Variants in THSD4 observed in about 807,000 individuals in gnomAD.
The protein encoded by THSD4 is thrombospondin type-1 domain-containing protein 4.
In THSD4, 69 loss-of-function variants were observed where a neutral mutation model predicts 119.0. That is an observed-to-expected ratio of 0.58 (90% CI 0.48 to 0.71). The LOEUF is 0.71. Ranked by LOEUF, THSD4 falls within the 30% of genes least tolerant of loss-of-function variation. The pLI, the probability that THSD4 is intolerant of heterozygous loss-of-function variation, is 0.00. For missense variants in THSD4, 1,393 were observed against 1,391.1 expected (o/e 1.00, Z -0.02); for synonymous variants, 524 against 540.4 (o/e 0.97, Z 0.42).
chr15:71,653,620 TGAG>T (rs909848144), intron 7 of THSD4, among the ~76,000 whole-genome samples: 2 of 152,166 alleles, frequency 1.3e-5, no homozygotes, highest in Non-Finnish European at 2.9e-5. Context: ...GCCCTCACCT[TGAG>T]GAAGAAGAGC....
At chr15:71,747,105 T>G in intron 13 of THSD4, 63 bp downstream of exon 13, 2 of 1,515,418 alleles carry the variant, frequency 1.3e-6, no homozygotes, top group Admixed American at 2.0e-5. Context: ...CTTTCCAGCC[T>G]CCCCCACCAA....
intron 7 of THSD4, among the ~76,000 whole-genome samples, chr15:71,441,061 C>T (rs1319931186): frequency 6.6e-6 from 1 of 152,100 alleles, no homozygotes; most frequent in Non-Finnish European, 1.5e-5. Flanking sequence ...AGACACAGTC[C>T]TCTTATCTAT....
chr15:71,519,181 C>T (rs1217205178), intron 7 of THSD4, among the ~76,000 whole-genome samples: 3 of 151,836 alleles, frequency 2.0e-5, no homozygotes, highest in African/African-American at 7.3e-5. Context: ...GCGCAAAGGC[C>T]CTGGGGTGAT....
chr15:71,773,200 C>CA (rs5813665), intron 17 of THSD4, among the ~76,000 whole-genome samples: 8,023 of 53,742 alleles, frequency 0.15, 547 homozygotes, highest in African/African-American at 0.26. Context: ...GACCATGTCT[C>CA]AAAAAAAAAA....
intron 7 of THSD4, among the ~76,000 whole-genome samples, chr15:71,557,041 G>A (rs1388439545): frequency 2.0e-5 from 3 of 152,056 alleles, no homozygotes; most frequent in Non-Finnish European, 2.9e-5. Flanking sequence ...TTGAATGGGG[G>A]CAGTATTATT....
intron 2 of THSD4, among the ~76,000 whole-genome samples, chr15:71,144,916 G>A (rs950770324): frequency 6.6e-6 from 1 of 152,038 alleles, no homozygotes; most frequent in Non-Finnish European, 1.5e-5. Context: ...CCTTAATGAG[G>A]AATGTTTGTC....
chr15:71,757,780 A>G (rs1449250901), intron 14 of THSD4, 122 bp from the exon 15 acceptor site: 2 of 1,270,414 alleles, frequency 1.6e-6, no homozygotes, highest in East Asian at 4.8e-5. Context: ...AAGCTGCCAG[A>G]TATTTCTAGG....
intron 11 of THSD4, among the ~76,000 whole-genome samples, chr15:71,739,098 GAAAAAAAA>G (rs34273398): frequency 9.4e-6 from 1 of 106,548 alleles, no homozygotes; most frequent in Admixed American, 9.3e-5. Context: ...CAGGATTTCA[GAAAAAAAA>G]AAAAAAAACA....
chr15:71,237,836 G>A (rs2044117964), intron 4 of THSD4, among the ~76,000 whole-genome samples: 1 of 152,130 alleles, frequency 6.6e-6, no homozygotes. Context: ...TGACTGCTTA[G>A]CATTATCTTT....
At chr15:71,249,331 T>TAC (rs1012912812) in intron 5 of THSD4, among the ~76,000 whole-genome samples, 2 of 151,494 alleles carry the variant, frequency 1.3e-5, no homozygotes, top group Non-Finnish European at 2.9e-5. Flanking sequence ...TATGTATATA[T>TAC]ACACACACTT....
intron 7 of THSD4, among the ~76,000 whole-genome samples, chr15:71,462,901 A>G (rs1389224652): frequency 6.6e-6 from 1 of 152,234 alleles, no homozygotes; most frequent in East Asian, 1.9e-4. Flanking sequence ...ATGTCTTAAC[A>G]GGACAGAGTT....
rs541464790 is a variant in THSD4 at position 71,472,040 on chromosome 15, G to A, written c.1152+60217G>A. On this transcript the variant is annotated intron_variant, in intron 7 of 17. Coordinates refer to ENST00000261862, the MANE Select transcript of THSD4 (RefSeq NM_024817.3). ...AACAATCCCTCCACCTTAGCCTCCC[G>A]AGTAGCTGGAACCACAGGCATGCAC... Among the ~76,000 whole-genome samples, 7 of 152,096 alleles carry A rather than the reference G, an allele frequency of 4.6e-5. No homozygotes were observed. The South Asian group carries it at 8.3e-4, about 18-fold the overall frequency.
upstream of THSD4, chr15:71,110,950 C>T (rs1226530637): frequency 1.7e-5 from 10 of 602,474 alleles, no homozygotes; most frequent in South Asian, 6.2e-5. Context: ...TAATCATCGC[C>T]GGAAGAAGAA....
intron 7 of THSD4, among the ~76,000 whole-genome samples, chr15:71,578,845 T>TA (rs1399711930): frequency 1.8e-4 from 2 of 11,254 alleles, no homozygotes. Flanking sequence ...CTGCATTAAC[T>TA]TTTTTTTTTT....
intron 6 of THSD4, among the ~76,000 whole-genome samples, chr15:71,395,322 A>G (rs900467068): frequency 6.6e-6 from 1 of 152,210 alleles, no homozygotes; most frequent in African/African-American, 2.4e-5. Context: ...GTGACAGAGG[A>G]CATCCAGTCT....
At chr15:71,582,823 A>G (rs1193495873) in intron 7 of THSD4, among the ~76,000 whole-genome samples, 1 of 152,198 alleles carries the variant, frequency 6.6e-6, no homozygotes, top group Non-Finnish European at 1.5e-5. Flanking sequence ...CATCCCAAGG[A>G]TAAGTACCAC....
At chr15:71,257,275 G>A (rs187313792) in intron 6 of THSD4, among the ~76,000 whole-genome samples, 1 of 152,304 alleles carries the variant, frequency 6.6e-6, no homozygotes, top group Non-Finnish European at 1.5e-5. Flanking sequence ...TCTGCATGCT[G>A]GAGTCACTTT....
intron 7 of THSD4, among the ~76,000 whole-genome samples, chr15:71,578,882 C>T (rs1475337305): frequency 8.5e-5 from 11 of 129,420 alleles, no homozygotes; most frequent in South Asian, 7.4e-4. Context: ...CTTGCTGTGT[C>T]GCCCAGGCTG....
chr15:71,683,730 T>C (rs1034608219), intron 8 of THSD4, among the ~76,000 whole-genome samples: 1 of 152,166 alleles, frequency 6.6e-6, no homozygotes, highest in Non-Finnish European at 1.5e-5. Context: ...ATCCCAGCAC[T>C]TTGGGAGGCC....
Sources: gnomAD v4.1 joint callset for allele counts (sites outside exome capture counted in the v4.1 genomes callset) on GRCh38, gnomAD v4.1.1 for gene constraint, MANE v1.5 for transcripts, NCBI Gene and HGNC (gene_info 2026-07-23, HGNC 2026-07-21) for gene names.